ARL16: variants seen among roughly 807,000 people sequenced by gnomAD.
ARL16 encodes ARF like GTPase 16.
ARL16 carries 21 observed loss-of-function variants against 14.1 expected under a neutral mutation model. The observed-to-expected ratio is 1.48, with a 90% CI of 1.05 to 2.14. The LOEUF (loss-of-function observed/expected upper bound fraction) is 2.14. Ranked by LOEUF, ARL16 falls within the 30% of genes most tolerant of loss-of-function variation. ARL16 has a pLI of 0.00. For missense variants in ARL16, 248 were observed against 222.0 expected (o/e 1.12, Z -0.74); for synonymous variants, 122 against 91.8 (o/e 1.33, Z -1.88).
intron 2 of ARL16, 59 bp from the exon 3 acceptor site, chr17:81,683,185 C>T (rs998552408): frequency 1.4e-6 from 2 of 1,463,090 alleles, no homozygotes; most frequent in African/African-American, 2.8e-5. Context: ...TTGTGAACTC[C>T]TGAAGAGCAC....
At position 81,683,550 on chromosome 17, in the gene ARL16, G is replaced by A; in HGVS notation, c.106C>T (p.Pro36Ser). ...DGKGDLGEPP[P>S]TRPTVGTNLT... ...CGGACACCTACCGTGGGCCGTGTCGGGGGCGGCTCCCCCAGGTCGCCTTTC... is the reference window on the plus strand; with the variant it reads ...CGGACACCTACCGTGGGCCGTGTCGAGGGCGGCTCCCCCAGGTCGCCTTTC... Residue 36 changes from proline (P) to serine (S), a missense_variant, in exon 2 of 5, where the codon CCG becomes TCG. By Grantham distance (74) the Pro-to-Ser change is moderately conservative. Coordinates refer to ENST00000622299, the MANE Select transcript of ARL16 (RefSeq NM_001040025.3). The A allele has an allele frequency of 6.3e-7, 1 of 1,598,532 alleles. No homozygotes were observed. The highest frequency in any genetic ancestry group is 1.7e-5 in the Admixed American group (1 of 58,274).
At chr17:81,681,996 G>A in intron 4 of ARL16, 38 bp downstream of exon 4, 2 of 1,572,456 alleles carry the variant, frequency 1.3e-6, no homozygotes, top group South Asian at 1.1e-5. Flanking sequence ...GGGAGCCCCC[G>A]CCCCCGCTGT....
In ARL16 at chr17:81,681,758, A is replaced by C. The variant is rs200851001; in HGVS notation, c.472T>G (p.Leu158Val). ...AEISAREGTG[L>V]AGVLAWLQAT... ...TGGAGCCAGGCCAGCACCCCTGCTAAGCCAGTGCCTTCACGGGCGCTGATT... is the reference window on the plus strand; with the variant it reads ...TGGAGCCAGGCCAGCACCCCTGCTACGCCAGTGCCTTCACGGGCGCTGATT... The change falls in exon 5 of 5, where the codon TTA (leucine) becomes GTA (valine). Residue 158 changes from leucine (L) to valine (V), a missense_variant. Physicochemically the swap from Leu to Val is conservative, Grantham distance 32. Transcript: ENST00000622299. The C allele has an allele frequency of 2.2e-4, 347 of 1,610,404 alleles. 1 individual carries two copies. The East Asian group carries it at 5.7e-3, about 27-fold the overall frequency.
rs199827882 is a variant in ARL16 at position 81,682,013 on chromosome 17, T to G, written c.350+21A>C. 446 of 1,593,452 alleles carry G rather than the reference T, an allele frequency of 2.8e-4. No homozygotes were observed. The African/African-American group carries it at 5.2e-3, about 19-fold the overall frequency. On this transcript the variant is annotated intron_variant, in intron 4 of 4. Coordinates refer to ENST00000622299, the MANE Select transcript of ARL16 (RefSeq NM_001040025.3). Reference sequence around the variant, plus strand: ...GAGCCCCCGCCCCCGCTGTGCTCCCTCTCAGCTCAGGGACGCGTACATTTT... The same window carrying G: ...GAGCCCCCGCCCCCGCTGTGCTCCCGCTCAGCTCAGGGACGCGTACATTTT...
In ARL16 at chr17:81,681,596, T is replaced by C; in HGVS notation, c.*112A>G. 1 of 1,228,512 alleles carries C rather than the reference T, an allele frequency of 8.1e-7. No individual in the cohort carries two copies. Among genetic ancestry groups the C allele is most frequent in the Non-Finnish European group, 1.1e-6 (1 of 908,056 alleles). 76.1% of individuals were successfully genotyped at this position (1,228,512 alleles called of 1,614,324 possible). A position where few individuals can be genotyped will look rare whatever the true frequency, so the allele number is the denominator to read the frequency against. The stretch of plus-strand genomic sequence containing the variant: ...CATCTCAGCACAGAGCCCCATCATG[T>C]AGGGTTACTTTGGGTTATTCTGCCC... On this transcript the variant is annotated 3_prime_UTR_variant, in exon 5 of 5. Coordinates refer to ENST00000622299, the MANE Select transcript of ARL16 (RefSeq NM_001040025.3).
At chr17:81,683,335 G>A in intron 2 of ARL16, 2 of 852,698 alleles carry the variant, frequency 2.3e-6, no homozygotes, top group South Asian at 1.8e-5. Context: ...TGCGAGGGGA[G>A]AGGAAGTGCC....
rs1408238224 is a variant in ARL16 at position 81,681,779 on chromosome 17, T to C, written c.451A>G (p.Ser151Gly). The C allele has an allele frequency of 6.2e-7, 1 of 1,611,802 alleles. No individual in the cohort carries two copies. Among genetic ancestry groups the C allele is most frequent in the Non-Finnish European group, 8.5e-7 (1 of 1,179,274 alleles). ...AKQNITTAEISAREGTGLAGV... is the reference protein window; with the variant it reads ...AKQNITTAEIGAREGTGLAGV... The stretch of plus-strand genomic sequence containing the variant: ...GCTAAGCCAGTGCCTTCACGGGCGC[T>C]GATTTCTGCCGTGGTGATGTTCTGC... Residue 151 changes from serine (S) to glycine (G), a missense_variant, in exon 5 of 5, where the codon AGC becomes GGC. Coordinates refer to ENST00000622299, the MANE Select transcript of ARL16 (RefSeq NM_001040025.3).
chr17:81,683,452 G>C (rs1198425999), intron 2 of ARL16, 84 bp downstream of exon 2: 5 of 1,418,066 alleles, frequency 3.5e-6, no homozygotes, highest in Non-Finnish European at 4.7e-6. Context: ...GCTGCGCCTC[G>C]GCGTGCACTT....
At chr17:81,683,226 C>T in intron 2 of ARL16, 100 bp from the exon 3 acceptor site, 4 of 1,113,862 alleles carry the variant, frequency 3.6e-6, no homozygotes, top group Non-Finnish European at 5.2e-6. Flanking sequence ...TGGCCTGAAC[C>T]CCGCAGACCC....
In ARL16 at chr17:81,683,551, G is replaced by C. The variant is rs1384261959; in HGVS notation, c.105C>G (p.Pro35=). The C allele has an allele frequency of 1.8e-5, 28 of 1,598,736 alleles. No homozygotes were observed. The highest frequency in any genetic ancestry group is 2.4e-5 in the Non-Finnish European group (28 of 1,174,532). Residue 35 remains proline, a synonymous_variant, in exon 2 of 5, where the codon CCC becomes CCG. Transcript: ENST00000622299. ...RDGKGDLGEP[P]PTRPTVGTNL... ...GGACACCTACCGTGGGCCGTGTCGG[G>C]GGCGGCTCCCCCAGGTCGCCTTTCC...
intron 3 of ARL16, 26 bp downstream of exon 3, chr17:81,682,987 G>C: frequency 6.3e-7 from 1 of 1,590,138 alleles, no homozygotes; most frequent in African/African-American, 1.3e-5. Flanking sequence ...TTCCCTAAAG[G>C]AAGCCCATAT....
intron 4 of ARL16, 45 bp downstream of exon 4, chr17:81,681,989 A>G (rs779409947): frequency 8.3e-6 from 13 of 1,572,310 alleles, no homozygotes; most frequent in Non-Finnish European, 1.1e-5. Flanking sequence ...AACCCGAGGG[A>G]GCCCCCGCCC....
chr17:81,683,791 C>A lies in ARL16; in HGVS notation c.-38G>T, dbSNP rs376106458. 29 of 1,605,430 alleles carry A rather than the reference C, an allele frequency of 1.8e-5. 1 individual carries two copies. The African/African-American group carries it at 3.6e-4, about 20-fold the overall frequency. On this transcript the variant is annotated 5_prime_UTR_variant, in exon 1 of 5. Coordinates refer to ENST00000622299, the MANE Select transcript of ARL16 (RefSeq NM_001040025.3). ...TCCACCCGGCACCCGTAGCTCGGCG[C>A]CGCGGCTCAAGGCCCGCCCACCGGC...
rs768846134 is a variant in ARL16 at position 81,682,979 on chromosome 17, C to T, written c.234+34G>A. The T allele has an allele frequency of 3.2e-6, 5 of 1,566,116 alleles. No individual in the cohort carries two copies. The South Asian group carries it at 4.4e-5, about 14-fold the overall frequency. On this transcript the variant is annotated intron_variant, in intron 3 of 4. Coordinates refer to ENST00000622299, the MANE Select transcript of ARL16 (RefSeq NM_001040025.3). ...ACGTCACAGAAATGTAGACACACTT[C>T]CCTAAAGGAAGCCCATATAGGATTA...
chr17:81,683,711 GCA>G lies in ARL16; in HGVS notation c.41_42del (p.Leu14ProfsTer33). The G allele has an allele frequency of 6.2e-7, 1 of 1,606,704 alleles. No homozygotes were observed. The highest frequency in any genetic ancestry group is 1.7e-5 in the Admixed American group (1 of 59,184). On this transcript the variant is annotated frameshift_variant, in exon 1 of 5. Coordinates refer to ENST00000622299, the MANE Select transcript of ARL16 (RefSeq NM_001040025.3). LOFTEE classifies it high-confidence loss of function. The stretch of plus-strand genomic sequence containing the variant: ...AGGATATCCTGCAGCCGTTTCACCA[GCA>G]GCGTCTTCCCGACGCCCGTGGCCCC... ...LLGATGVGKT[L>X]LVKRLQEVSS... is the part of the protein sequence containing the mutation.
At position 81,683,687 on chromosome 17, in the gene ARL16, G is replaced by A. The variant is rs759908499; in HGVS notation, c.61+6C>T. On this transcript the variant is annotated splice_donor_region_variant and intron_variant, in intron 1 of 4. Transcript: ENST00000622299. ...GCCCCGGTCCCGTCCCCGCGCGGAAGGATATCCTGCAGCCGTTTCACCAGC... is the reference window on the plus strand; with the variant it reads ...GCCCCGGTCCCGTCCCCGCGCGGAAAGATATCCTGCAGCCGTTTCACCAGC... The A allele has an allele frequency of 1.8e-5, 29 of 1,602,122 alleles. No homozygotes were observed. In the African/African-American group the frequency reaches 2.0e-4, roughly 11 times the overall value.
chr17:81,683,223 A>G (rs1483185665), intron 2 of ARL16, 97 bp from the exon 3 acceptor site: 2 of 1,152,236 alleles, frequency 1.7e-6, no homozygotes, highest in Non-Finnish European at 2.5e-6. Context: ...CGGTGGCCTG[A>G]ACCCCGCAGA....
intron 2 of ARL16, 114 bp downstream of exon 2, chr17:81,683,422 C>A (rs1392746108): frequency 2.2e-6 from 3 of 1,344,066 alleles, no homozygotes; most frequent in Admixed American, 5.9e-5. Context: ...GAAGGCTGGC[C>A]TTAAGTCACG....
intron 2 of ARL16, 165 bp downstream of exon 2, chr17:81,683,371 C>A: frequency 9.6e-7 from 1 of 1,043,704 alleles, no homozygotes. Flanking sequence ...GCCCCCTCAT[C>A]CCGCGCCAAT....
Sources: allele counts gnomAD v4.1 joint callset, GRCh38; gene constraint gnomAD v4.1.1; transcripts MANE v1.5; gene names NCBI Gene and HGNC (gene_info 2026-07-23, HGNC 2026-07-21).